The following SDK2 variants were observed in gnomAD, a reference collection of about 807,000 sequenced individuals.
SDK2 encodes the protein sidekick cell adhesion molecule 2.
A neutral mutation model predicts 253.9 loss-of-function variants in SDK2; 105 were observed. The ratio of observed to expected loss-of-function variants is 0.41; its 90% CI spans 0.35 to 0.49. SDK2 has a LOEUF of 0.49. SDK2 is among the 20% of genes least tolerant of loss of function. SDK2 has a pLI of 0.06. For synonymous variants in SDK2, 1,249 were observed against 1,234.9 expected, an observed-to-expected ratio of 1.01 and a Z score of -0.24; for missense variants, 2,608 against 3,003.0, an observed-to-expected ratio of 0.87 and a Z score of 3.07.
intron 1 of SDK2, among the ~76,000 whole-genome samples, chr17:73,543,297 G>A (rs536772357): frequency 4.6e-5 from 7 of 152,222 alleles, no homozygotes; most frequent in South Asian, 2.1e-4. Context: ...GATGGTGCCC[G>A]CACCCTCGCA....
chr17:73,338,173 G>A lies in SDK2; in HGVS notation c.*414C>T. On this transcript the variant is annotated 3_prime_UTR_variant, in exon 45 of 45. Coordinates refer to ENST00000392650, the MANE Select transcript of SDK2 (RefSeq NM_001144952.2). The surrounding 1 kb of genome is among the most constrained non-coding windows in gnomAD (Gnocchi z 5.0). ...CGGCAGTGGGTCCAGGGGTCCTGGA[G>A]GGGCTGGAAGGGGGCAGCTGGCTGG... 1 of 337,548 alleles carries A rather than the reference G, an allele frequency of 3.0e-6. No individual in the cohort carries two copies. Among genetic ancestry groups the A allele is most frequent in the Non-Finnish European group, 5.8e-6 (1 of 172,946 alleles). 20.9% of individuals were successfully genotyped at this position (337,548 alleles called of 1,614,324 possible).
At chr17:73,382,532 G>A (rs12951793) in intron 33 of SDK2, among the ~76,000 whole-genome samples, 45,317 of 152,098 alleles carry the variant, frequency 0.3, 7,030 homozygotes, top group East Asian at 0.53. Flanking sequence ...TTTTTCTTTC[G>A]TTATGTACCA....
chr17:73,484,886 T>C (rs1417625031), intron 2 of SDK2, among the ~76,000 whole-genome samples: 1 of 152,228 alleles, frequency 6.6e-6, no homozygotes, highest in Non-Finnish European at 1.5e-5. Context: ...ACTCCTGGGC[T>C]CAAATGATCC....
chr17:73,436,072 TG>T (rs1259710148), intron 8 of SDK2, among the ~76,000 whole-genome samples: 1 of 152,052 alleles, frequency 6.6e-6, no homozygotes, highest in Non-Finnish European at 1.5e-5. Context: ...TATTTTTTAT[TG>T]CAGTACTTAG....
chr17:73,644,184 G>T lies in SDK2; in HGVS notation c.-96C>A, dbSNP rs1456335953. The T allele has an allele frequency of 2.9e-6, 3 of 1,033,106 alleles. No individual in the cohort carries two copies. Among genetic ancestry groups the T allele is most frequent in the Non-Finnish European group, 4.4e-6 (3 of 682,198 alleles). 64.0% of individuals were successfully genotyped at this position (1,033,106 alleles called of 1,614,324 possible). A position where few individuals can be genotyped will look rare whatever the true frequency, so the allele number is the denominator to read the frequency against. On this transcript the variant is annotated 5_prime_UTR_variant, in exon 1 of 45. Transcript: ENST00000392650. This position sits in a 1 kb window ranked among gnomAD's most constrained non-coding sequence, Gnocchi z 6.3. ...CCGATACCCCGTGGCTTAGTCCCAG[G>T]AAACAGTCAGTCTACGCGGCTCCGT...
intron 36 of SDK2, among the ~76,000 whole-genome samples, chr17:73,372,513 T>C (rs1410415220): frequency 6.6e-6 from 1 of 152,188 alleles, no homozygotes; most frequent in Admixed American, 6.5e-5. Context: ...GAACCTGCCA[T>C]TTACTATGCC....
chr17:73,545,764 G>A (rs1045435109), intron 1 of SDK2, among the ~76,000 whole-genome samples: 4 of 152,186 alleles, frequency 2.6e-5, no homozygotes, highest in Admixed American at 2.0e-4. Flanking sequence ...CTGCAAGGCT[G>A]CCCTGGGATG....
intron 8 of SDK2, 128 bp downstream of exon 8, chr17:73,437,611 C>G (rs1341356810): frequency 2.4e-5 from 20 of 821,082 alleles, no homozygotes; most frequent in Non-Finnish European, 3.7e-5. Flanking sequence ...GCTCAGACAG[C>G]CAGACAGACT....
chr17:73,513,290 G>A (rs753352743), intron 1 of SDK2, among the ~76,000 whole-genome samples: 13 of 152,116 alleles, frequency 8.5e-5, no homozygotes, highest in Non-Finnish European at 1.5e-4. Flanking sequence ...CAAACCAATA[G>A]AAAAATGGGC....
chr17:73,365,270 T>G lies in SDK2; in HGVS notation c.5293A>C (p.Ser1765Arg), dbSNP rs765774263. The change falls in exon 38 of 45, where the codon AGC (serine) becomes CGC (arginine). Residue 1765 changes from serine (S) to arginine (R), a missense_variant. Transcript: ENST00000392650. ...GGGGTCCACTCACCATCCACGGGGC[T>G]GCAGGGCTCGTACACCAGCCTGTAG... is the stretch of plus-strand genomic sequence containing the variant. ...EGYRLVYEPC[S>R]PVDGVSKIVT... is the part of the protein sequence containing the mutation. 2 of 1,609,646 alleles carry G rather than the reference T, an allele frequency of 1.2e-6. No individual in the cohort carries two copies. Among genetic ancestry groups the G allele is most frequent in the South Asian group, 2.2e-5 (2 of 90,462 alleles).
At position 73,609,856 on chromosome 17, in the gene SDK2, G is replaced by A. The variant is rs1234355362; in HGVS notation, c.64+34169C>T. ...CAGGGCCCAAGGAGACAGAGTCCCTGCTGGCCATGTCCCTCCCATTCCAGC... is the reference window on the plus strand; with the variant it reads ...CAGGGCCCAAGGAGACAGAGTCCCTACTGGCCATGTCCCTCCCATTCCAGC... On this transcript the variant is annotated intron_variant, in intron 1 of 44. Transcript: ENST00000392650. This position sits in a 1 kb window ranked among gnomAD's most constrained non-coding sequence, Gnocchi z 4.4. 6.6e-6 allele frequency among the ~76,000 whole-genome samples: 1 copy of A among 152,214 alleles called. No individual in the cohort carries two copies. Among genetic ancestry groups the A allele is most frequent in the Non-Finnish European group, 1.5e-5 (1 of 68,032 alleles).
rs62074096 is a variant in SDK2, at chr17:73,462,656, G to T, written c.332-6603C>A. Reference sequence around the variant, plus strand: ...TATCTACATGTTTGCAAGCATACACGCATGTATATGTGGTGGAAGGATGGT... The same window carrying T: ...TATCTACATGTTTGCAAGCATACACTCATGTATATGTGGTGGAAGGATGGT... On this transcript the variant is annotated intron_variant, in intron 3 of 44. Coordinates refer to ENST00000392650, the MANE Select transcript of SDK2 (RefSeq NM_001144952.2). 7.2e-5 allele frequency among the ~76,000 whole-genome samples: 11 copies of T among 151,964 alleles called. No homozygotes were observed. In the South Asian group the frequency reaches 2.3e-3, roughly 31 times the overall value.
chr17:73,508,237 T>C (rs560589111), intron 1 of SDK2, among the ~76,000 whole-genome samples: 1 of 152,366 alleles, frequency 6.6e-6, no homozygotes, highest in African/African-American at 2.4e-5. Flanking sequence ...GAACAGCTGC[T>C]TCCCCCTCTC....
intron 2 of SDK2, among the ~76,000 whole-genome samples, chr17:73,490,945 G>C (rs376411418): frequency 7.0e-4 from 107 of 152,192 alleles, no homozygotes; most frequent in African/African-American, 2.4e-3. Flanking sequence ...GGAAACCAAG[G>C]AACAAAGATG....
At chr17:73,533,679 C>G (rs1216105224) in intron 1 of SDK2, among the ~76,000 whole-genome samples, 1 of 136,670 alleles carries the variant, frequency 7.3e-6, no homozygotes, top group Non-Finnish European at 1.6e-5. Flanking sequence ...TCCCCCAGCC[C>G]CCCACCCCCC....
intron 29 of SDK2, among the ~76,000 whole-genome samples, chr17:73,388,260 G>T (rs1286884409): frequency 6.6e-6 from 1 of 152,152 alleles, no homozygotes; most frequent in African/African-American, 2.4e-5. Flanking sequence ...GAGCCCCAGG[G>T]CCTGGGAACT....
intron 2 of SDK2, among the ~76,000 whole-genome samples, chr17:73,486,002 A>G (rs1046456187): frequency 2.0e-4 from 31 of 152,238 alleles, no homozygotes; most frequent in African/African-American, 6.5e-4. Flanking sequence ...GGTCTTTGCC[A>G]TAGACTGGAG....
intron 1 of SDK2, among the ~76,000 whole-genome samples, chr17:73,634,234 G>A (rs1180758042): frequency 1.3e-5 from 2 of 152,178 alleles, no homozygotes; most frequent in African/African-American, 4.8e-5. Context: ...AGCCTACCCT[G>A]GGTCCACCAG....
intron 40 of SDK2, chr17:73,357,864 C>A (rs1842100491): frequency 1.4e-6 from 1 of 723,982 alleles, no homozygotes; most frequent in Non-Finnish European, 2.4e-6. Flanking sequence ...AACAGCCGTT[C>A]TCTGGGGGCC....
Sources: allele counts gnomAD v4.1 joint callset (sites outside exome capture counted in the v4.1 genomes callset), GRCh38; gene constraint gnomAD v4.1.1; non-coding constraint Gnocchi (gnomAD v3.1); transcripts MANE v1.5; gene names NCBI Gene and HGNC (gene_info 2026-07-23, HGNC 2026-07-21).